PEAK3: variants seen among roughly 807,000 people sequenced by gnomAD.
PEAK3 encodes the protein protein PEAK3.
A neutral mutation model predicts 13.3 loss-of-function variants in PEAK3; 15 were observed. That is an observed-to-expected ratio of 1.13 (90% CI 0.75 to 1.73). PEAK3 has a LOEUF of 1.73. Among genes scored for constraint, PEAK3 ranks in the 40% most tolerant of loss-of-function variants. The probability of loss-of-function intolerance (pLI) is 0.00; values close to 1 mark genes in which losing one functional copy is unlikely to be tolerated. For synonymous variants in PEAK3, 347 were observed against 341.9 expected (o/e 1.01, Z -0.17); for missense variants, 739 against 690.2 (o/e 1.07, Z -0.79).
Position 2,280,926 on chromosome 19 carries a change from G to T in PEAK3, c.6C>A (p.Ser2Arg). 6.4e-7 allele frequency: 1 copy of T among 1,556,938 alleles called. No individual in the cohort carries two copies. Among genetic ancestry groups the T allele is most frequent in the South Asian group, 1.2e-5 (1 of 84,334 alleles). The change falls in exon 2 of 4, where the codon AGC becomes AGA. Residue 2 changes from serine (S) to arginine (R), a missense_variant. Ser to Arg is a moderately radical substitution (Grantham distance 110). Transcript: ENST00000342063. ...GGGGCTCTGTGGGGGGCTCCGGGCTGCTCATGTTGCTGGGGAAAGGTCAAA... is the reference window on the plus strand; with the variant it reads ...GGGGCTCTGTGGGGGGCTCCGGGCTTCTCATGTTGCTGGGGAAAGGTCAAA... M[S>R]SPEPPTEPPE...
chr19:2,280,635 C>T (rs966222883), intron 2 of PEAK3, among the ~76,000 whole-genome samples: 1 of 152,156 alleles, frequency 6.6e-6, no homozygotes, highest in Non-Finnish European at 1.5e-5. Flanking sequence ...CAGGCGTGAG[C>T]CACCACGCCC....
In PEAK3 at chr19:2,278,815, A is replaced by G; in HGVS notation, c.381T>C (p.Asp127=). The part of the protein sequence containing the change: ...ADAPLGLSLR[D]LHSPEAVHTA... Reference sequence around the variant, plus strand: ...TGTGCACAGCCTCCGGGCTGTGCAGATCGCGGAGGGAGAGGCCCAGTGGGG... The same window carrying G: ...TGTGCACAGCCTCCGGGCTGTGCAGGTCGCGGAGGGAGAGGCCCAGTGGGG... Residue 127 remains aspartate (D), a synonymous_variant, in exon 3 of 4, where the codon GAT becomes GAC. Coordinates refer to ENST00000342063, the MANE Select transcript of PEAK3 (RefSeq NM_198532.3). The G allele has an allele frequency of 6.3e-7, 1 of 1,594,336 alleles. No homozygotes were observed. The highest frequency in any genetic ancestry group is 8.5e-7 in the Non-Finnish European group (1 of 1,170,812).
Position 2,278,658 on chromosome 19 carries a change from C to G in PEAK3, c.538G>C (p.Ala180Pro). ...SFRLLDSSPC[A>P]ESGDALYYRV... ...TAATACAGGGCGTCCCCGCTCTCTG[C>G]GCAGGGTGAGCTGTCTAGGAGGCGG... Residue 180 changes from alanine (A) to proline (P), a missense_variant, in exon 3 of 4, where the codon GCA becomes CCA. Coordinates refer to ENST00000342063, the MANE Select transcript of PEAK3 (RefSeq NM_198532.3). 6.6e-7 allele frequency: 1 copy of G among 1,513,168 alleles called. No homozygotes were observed. Among genetic ancestry groups the G allele is most frequent in the Non-Finnish European group, 8.8e-7 (1 of 1,130,792 alleles). The allele number at this position is 1,513,168 out of a possible 1,614,324, so 93.7% of individuals were successfully genotyped here.
At position 2,276,422 on chromosome 19, in the gene PEAK3, T is replaced by C; in HGVS notation, c.680A>G (p.His227Arg). 2 of 1,593,356 alleles carry C rather than the reference T, an allele frequency of 1.3e-6. No homozygotes were observed. Among genetic ancestry groups the C allele is most frequent in the South Asian group, 2.2e-5 (2 of 90,422 alleles). The change falls in exon 4 of 4, where the codon CAC (histidine) becomes CGC (arginine). Residue 227 changes from histidine to arginine, a missense_variant. Physicochemically the swap from His to Arg is conservative, Grantham distance 29. Transcript: ENST00000342063. ...GLELQASLSP[H>R]FNLQGLCGLV... ...GCCACACAGCCCCTGCAGATTGAAG[T>C]GTGGAGACAGGGAGGCCTGCAGCTC...
intron 3 of PEAK3, among the ~76,000 whole-genome samples, chr19:2,277,557 C>G (rs1393486052): frequency 6.6e-6 from 1 of 151,810 alleles, no homozygotes; most frequent in East Asian, 1.9e-4. Context: ...CTTTTTTCTT[C>G]TCTTTTGTTT....
At position 2,274,851 on chromosome 19, in the gene PEAK3, A is replaced by C. The variant is rs1488363772; in HGVS notation, c.*829T>G. On this transcript the variant is annotated 3_prime_UTR_variant, in exon 4 of 4. Coordinates refer to ENST00000342063, the MANE Select transcript of PEAK3 (RefSeq NM_198532.3). ...GCCGGGCGTGGTGGCGGGCGCCTGT[A>C]GTCCCAGCTACTCGGGAGGCTGAGG... is the stretch of plus-strand genomic sequence containing the variant. 7.2e-6 allele frequency: 1 copy of C among 138,512 alleles called. No homozygotes were observed. The highest frequency in any genetic ancestry group is 2.5e-4 in the East Asian group (1 of 4,052). 8.6% of individuals were successfully genotyped at this position (138,512 alleles called of 1,614,324 possible). A position where few individuals can be genotyped will look rare whatever the true frequency, so the allele number is the denominator to read the frequency against.
At chr19:2,278,168 CTTT>C (rs773451434) in intron 3 of PEAK3, among the ~76,000 whole-genome samples, 6 of 119,786 alleles carry the variant, frequency 5.0e-5, no homozygotes, top group Non-Finnish European at 5.3e-5. Context: ...CGGCCTTTTT[CTTT>C]TTTTTTTTTT....
Position 2,275,702 on chromosome 19 carries a change from G to T in PEAK3, c.1400C>A (p.Ala467Asp), listed in dbSNP as rs2025378433. The change falls in exon 4 of 4, where the codon GCC becomes GAC. Residue 467 changes from alanine (A) to aspartate (D), a missense_variant. By Grantham distance (126) the Ala-to-Asp change is moderately radical. Coordinates refer to ENST00000342063, the MANE Select transcript of PEAK3 (RefSeq NM_198532.3). ...GGGTCAGTCCCACAGCAGCGCCAGGGCCTGGCCCATCGAGGACTCGGTGGC... is the reference window on the plus strand; with the variant it reads ...GGGTCAGTCCCACAGCAGCGCCAGGTCCTGGCCCATCGAGGACTCGGTGGC... Reference protein sequence around the residue: ...AEATESSMGQALALLWD With the variant: ...AEATESSMGQDLALLWD The T allele has an allele frequency of 1.3e-6, 2 of 1,525,948 alleles. No homozygotes were observed. The highest frequency in any genetic ancestry group is 2.6e-5 in the East Asian group (1 of 38,846). The allele number at this position is 1,525,948 out of a possible 1,614,324, so 94.5% of individuals were successfully genotyped here. A position where few individuals can be genotyped will look rare whatever the true frequency, so the allele number is the denominator to read the frequency against.
rs1169270634 is a variant in PEAK3, at chr19:2,275,797, TAGGCGC to T, written c.1299_1304del (p.Arg434_Leu435del). On this transcript the variant is annotated inframe_deletion, in exon 4 of 4. Coordinates refer to ENST00000342063, the MANE Select transcript of PEAK3 (RefSeq NM_198532.3). ...CTTCCCCACCTGCGGCCCGCTCTGC[TAGGCGC>T]AGGACCAGCAGCCCGCGGCGCACCC... 1.9e-6 allele frequency: 3 copies of T among 1,559,546 alleles called. No homozygotes were observed. The East Asian group carries it at 7.4e-5, about 39-fold the overall frequency.
chr19:2,276,592 A>C, intron 3 of PEAK3, 103 bp from the exon 4 acceptor site: 2 of 968,142 alleles, frequency 2.1e-6, no homozygotes, highest in Non-Finnish European at 2.9e-6. Context: ...ACACCCCCAA[A>C]CTGCCCCCAC....
At chr19:2,279,160 A>G (rs2025419957) in intron 2 of PEAK3, 47 bp from the exon 3 acceptor site, 1 of 1,360,302 alleles carries the variant, frequency 7.4e-7, no homozygotes. Flanking sequence ...GCGGAGTGGG[A>G]ACGGGACACG....
chr19:2,280,927 C>T lies in PEAK3; in HGVS notation c.5G>A (p.Ser2Asn). 6.4e-7 allele frequency: 1 copy of T among 1,556,650 alleles called. No homozygotes were observed. Among genetic ancestry groups the T allele is most frequent in the South Asian group, 1.2e-5 (1 of 84,298 alleles). Reference protein sequence around the residue: MSSPEPPTEPPE... With the variant: MNSPEPPTEPPE... ...GGGCTCTGTGGGGGGCTCCGGGCTG[C>T]TCATGTTGCTGGGGAAAGGTCAAAC... is the stretch of plus-strand genomic sequence containing the variant. The change falls in exon 2 of 4, where the codon AGC becomes AAC. Residue 2 changes from serine to asparagine, a missense_variant. Transcript: ENST00000342063.
At chr19:2,281,359 G>A (rs1450654291) in intron 1 of PEAK3, among the ~76,000 whole-genome samples, 2 of 114,494 alleles carry the variant, frequency 1.7e-5, no homozygotes, top group Non-Finnish European at 3.6e-5. Flanking sequence ...GCCCTCTCTG[G>A]GGCCCTGCTG....
In PEAK3 at chr19:2,275,923, G is replaced by A; in HGVS notation, c.1179C>T (p.Gly393=). The A allele has an allele frequency of 7.3e-7, 1 of 1,375,008 alleles. No homozygotes were observed. The highest frequency in any genetic ancestry group is 9.3e-7 in the Non-Finnish European group (1 of 1,071,858). 85.2% of individuals were successfully genotyped at this position (1,375,008 alleles called of 1,614,324 possible). A position where few individuals can be genotyped will look rare whatever the true frequency, so the allele number is the denominator to read the frequency against. The change falls in exon 4 of 4, where the codon GGC becomes GGT. Residue 393 remains glycine, a synonymous_variant. Coordinates refer to ENST00000342063, the MANE Select transcript of PEAK3 (RefSeq NM_198532.3). ...GCCCCCAGAGCAGCGCCTGCAGCGC[G>A]CCCCGCGTCCGGGACGCCGAGGGCC... is the stretch of plus-strand genomic sequence containing the variant. ...RLRPSASRTR[G]ALQALLWGPG... is the part of the protein sequence containing the mutation.
chr19:2,277,845 G>A (rs569389811), intron 3 of PEAK3, among the ~76,000 whole-genome samples: 5 of 146,864 alleles, frequency 3.4e-5, no homozygotes, highest in Middle Eastern at 3.8e-3. Flanking sequence ...GATTACAGGC[G>A]TCAGCCACTG....
chr19:2,278,386 C>A (rs1473259731), intron 3 of PEAK3, among the ~76,000 whole-genome samples, 198 bp downstream of exon 3: 2 of 123,332 alleles, frequency 1.6e-5, no homozygotes, highest in African/African-American at 8.6e-5. Flanking sequence ...GTCTTGAACT[C>A]CTGACCTCAG....
rs1202527513 is a variant in PEAK3, at chr19:2,282,140, CA to C, written c.-59del. ...GGAGGGGTCCGTGGGGACAAACTCC[CA>C]ATGGCCACAGCCCCTGGCCTCGCAG... On this transcript the variant is annotated 5_prime_UTR_variant, in exon 1 of 4. The change creates a new upstream start codon in the 5' untranslated region. Coordinates refer to ENST00000342063, the MANE Select transcript of PEAK3 (RefSeq NM_198532.3). 1.3e-5 allele frequency: 2 copies of C among 152,576 alleles called. No individual in the cohort carries two copies. The highest frequency in any genetic ancestry group is 4.8e-5 in the African/African-American group (2 of 41,462). The allele number at this position is 152,576 out of a possible 1,614,324, so 9.5% of individuals were successfully genotyped here. A position where few individuals can be genotyped will look rare whatever the true frequency, so the allele number is the denominator to read the frequency against.
chr19:2,280,881 G>A lies in PEAK3; in HGVS notation c.51C>T (p.Thr17=). ...PTEPPEPDNP[T]WSTQPTYSNL... ...TGCTATACGTGGGCTGAGTCGACCA[G>A]GTGGGGTTGTCGGGCTCGGGGGGCT... The change falls in exon 2 of 4, where the codon ACC becomes ACT. Residue 17 remains threonine, a synonymous_variant. Coordinates refer to ENST00000342063, the MANE Select transcript of PEAK3 (RefSeq NM_198532.3). 6.2e-7 allele frequency: 1 copy of A among 1,604,042 alleles called. No individual in the cohort carries two copies. Among genetic ancestry groups the A allele is most frequent in the Non-Finnish European group, 8.5e-7 (1 of 1,175,166 alleles).
intron 3 of PEAK3, 100 bp from the exon 4 acceptor site, chr19:2,276,589 C>A (rs543022100): frequency 4.8e-6 from 5 of 1,031,270 alleles, no homozygotes; most frequent in South Asian, 1.8e-5. Flanking sequence ...CGCACACCCC[C>A]AAACTGCCCC....
Sources: gnomAD v4.1 joint callset for allele counts (sites outside exome capture counted in the v4.1 genomes callset) on GRCh38, gnomAD v4.1.1 for gene constraint, MANE v1.5 for transcripts, NCBI Gene and HGNC (gene_info 2026-07-23, HGNC 2026-07-21) for gene names.